The following IARS2 variants were observed in gnomAD, a reference collection of about 807,000 sequenced individuals.
The protein encoded by IARS2 is isoleucine--tRNA ligase, mitochondrial.
Under a neutral mutation model 126.3 loss-of-function variants are expected in IARS2, and 56 were observed. The observed-to-expected ratio is 0.44, with a 90% CI of 0.36 to 0.55. The LOEUF is 0.55. IARS2 is among the 20% of genes least tolerant of loss of function. IARS2 has a pLI of 0.00. For synonymous variants in IARS2, 407 were observed against 441.1 expected, an observed-to-expected ratio of 0.92 and a Z score of 0.97; for missense variants, 1,127 against 1,245.9, an observed-to-expected ratio of 0.90 and a Z score of 1.44.
chr1:220,145,057 T>C (rs2102843542), intron 21 of IARS2, among the ~76,000 whole-genome samples: 1 of 151,970 alleles, frequency 6.6e-6, no homozygotes, highest in South Asian at 2.1e-4. Context: ...TGAGATAGTA[T>C]TTTAGCCCCT....
At chr1:220,100,206 C>T (rs1280094278) in intron 2 of IARS2, among the ~76,000 whole-genome samples, 2 of 152,106 alleles carry the variant, frequency 1.3e-5, no homozygotes, top group Non-Finnish European at 2.9e-5. Flanking sequence ...CACAATATTC[C>T]ATTCTCTGAG....
intron 1 of IARS2, 27 bp downstream of exon 1, chr1:220,094,510 C>A: frequency 6.4e-7 from 1 of 1,550,810 alleles, no homozygotes; most frequent in Non-Finnish European, 8.7e-7. Context: ...GGCGCGGGGC[C>A]TCCAGAGAGG....
intron 12 of IARS2, among the ~76,000 whole-genome samples, chr1:220,124,013 A>G (rs1657104027): frequency 2.0e-5 from 3 of 152,200 alleles, no homozygotes. Context: ...TTTGTGTTTT[A>G]CAAATGAGGA....
Position 220,103,697 on chromosome 1 carries a change from T to C in IARS2, c.1066+135T>C, listed in dbSNP as rs1656627328. On this transcript the variant is annotated intron_variant, in intron 8 of 22. Transcript: ENST00000366922. ...CTTTCTAGAATACATTTTACATTGA[T>C]TACACTAAAGGAGAATATACATTAA... The C allele has an allele frequency of 1.2e-5, 7 of 574,598 alleles. No homozygotes were observed. In the Admixed American group the frequency reaches 1.9e-4, roughly 16 times the overall value. The allele number at this position is 574,598 out of a possible 1,614,324, so 35.6% of individuals were successfully genotyped here. A position where few individuals can be genotyped will look rare whatever the true frequency, so the allele number is the denominator to read the frequency against.
chr1:220,141,746 T>A lies in IARS2; in HGVS notation c.2415-57T>A, dbSNP rs1657496065. 1.4e-5 allele frequency: 22 copies of A among 1,560,852 alleles called. No homozygotes were observed. The Admixed American group carries it at 3.4e-4, about 24-fold the overall frequency. ...AACTCAACCTGAGGCAGGTCCCATC[T>A]AGGTGACCATAATGTATAAAGTATT... On this transcript the variant is annotated intron_variant, in intron 19 of 22. Coordinates refer to ENST00000366922, the MANE Select transcript of IARS2 (RefSeq NM_018060.4).
At chr1:220,105,818 C>A in intron 8 of IARS2, 73 bp from the exon 9 acceptor site, 2 of 1,275,090 alleles carry the variant, frequency 1.6e-6, no homozygotes, top group Non-Finnish European at 2.3e-6. Context: ...TAACCTGATA[C>A]TCTATTGCTA....
At position 220,114,412 on chromosome 1, in the gene IARS2, A is replaced by G. The variant is rs1178360651; in HGVS notation, c.1578A>G (p.Arg526=). The change falls in exon 12 of 23, where the codon AGA becomes AGG. Residue 526 remains arginine (R), a synonymous_variant. Coordinates refer to ENST00000366922, the MANE Select transcript of IARS2 (RefSeq NM_018060.4). ...RRPYWCISRQ[R]VWGVPIPVFH... ...CATATTGGTGTATATCAAGGCAAAGAGTTTGGGGTGTTCCAATTCCTGTGT... is the reference window on the plus strand; with the variant it reads ...CATATTGGTGTATATCAAGGCAAAGGGTTTGGGGTGTTCCAATTCCTGTGT... 1.2e-6 allele frequency: 2 copies of G among 1,613,952 alleles called. No homozygotes were observed. Among genetic ancestry groups the G allele is most frequent in the African/African-American group, 1.3e-5 (1 of 75,042 alleles).
intron 20 of IARS2, 61 bp from the exon 21 acceptor site, chr1:220,142,883 A>C: frequency 1.7e-6 from 2 of 1,169,968 alleles, no homozygotes; most frequent in Non-Finnish European, 1.2e-6. Context: ...TTTAATGGTT[A>C]GAGCTTCATA....
At chr1:220,138,546 T>C (rs1381084683) in intron 17 of IARS2, among the ~76,000 whole-genome samples, 1 of 151,656 alleles carries the variant, frequency 6.6e-6, no homozygotes, top group Non-Finnish European at 1.5e-5. Flanking sequence ...TTATATAATT[T>C]GTATATAATA....
intron 11 of IARS2, among the ~76,000 whole-genome samples, chr1:220,112,443 A>G (rs1656826052): frequency 6.6e-6 from 1 of 151,200 alleles, no homozygotes; most frequent in South Asian, 2.1e-4. Context: ...CCGACCACCT[A>G]CTTTTTACCC....
chr1:220,134,545 C>T, intron 15 of IARS2, 35 bp downstream of exon 15: 1 of 1,351,140 alleles, frequency 7.4e-7, no homozygotes, highest in Non-Finnish European at 1.1e-6. Context: ...CTGCTGAGTA[C>T]CTGCCAGTGT....
At chr1:220,104,323 A>C (rs1186981792) in intron 8 of IARS2, among the ~76,000 whole-genome samples, 2 of 152,066 alleles carry the variant, frequency 1.3e-5, no homozygotes, top group Non-Finnish European at 2.9e-5. Flanking sequence ...TGAGGTAGTG[A>C]CTGCTTTGAA....
intron 2 of IARS2, 126 bp downstream of exon 2, chr1:220,096,352 A>ATTT (rs1346128624): frequency 4.4e-6 from 3 of 677,116 alleles, no homozygotes; most frequent in Admixed American, 3.5e-5. Context: ...AAACATTTTC[A>ATTT]TAGAAAGCAA....
At chr1:220,147,289 C>CTAA (rs1657620452) in intron 22 of IARS2, among the ~76,000 whole-genome samples, 2 of 152,230 alleles carry the variant, frequency 1.3e-5, no homozygotes, top group South Asian at 4.1e-4. Context: ...CACGGGGTCT[C>CTAA]TAATTCCTCA....
intron 16 of IARS2, 107 bp downstream of exon 16, chr1:220,137,018 A>C (rs1158538030): frequency 2.6e-5 from 16 of 616,252 alleles, no homozygotes; most frequent in Non-Finnish European, 1.4e-5. Context: ...ACTATCTTTT[A>C]TACTCTCAAA....
intron 21 of IARS2, 41 bp downstream of exon 21, chr1:220,143,175 A>C (rs549813715): frequency 1.2e-5 from 18 of 1,462,206 alleles, no homozygotes; most frequent in Non-Finnish European, 1.7e-5. Flanking sequence ...TGTTAGTATC[A>C]TAGAGCTTTG....
chr1:220,121,736 T>C (rs1204619489), intron 12 of IARS2, among the ~76,000 whole-genome samples: 1 of 152,190 alleles, frequency 6.6e-6, no homozygotes, highest in Non-Finnish European at 1.5e-5. Flanking sequence ...TGAGCCACCG[T>C]GCCAGGCCAA....
At chr1:220,146,517 CA>C (rs1186000971) in intron 22 of IARS2, among the ~76,000 whole-genome samples, 874 of 61,974 alleles carry the variant, frequency 0.014, 3 homozygotes, top group African/African-American at 0.031. Flanking sequence ...GACTCCGTCT[CA>C]AAAAAAAAAA....
At chr1:220,125,468 C>A in intron 13 of IARS2, 129 bp downstream of exon 13, 1 of 615,852 alleles carries the variant, frequency 1.6e-6, no homozygotes, top group Non-Finnish European at 2.9e-6. Flanking sequence ...AAATTAGAAG[C>A]TAATGCAGTG....
Sources: gnomAD v4.1 joint callset for allele counts (sites outside exome capture counted in the v4.1 genomes callset) on GRCh38, gnomAD v4.1.1 for gene constraint, MANE v1.5 for transcripts, NCBI Gene and HGNC (gene_info 2026-07-23, HGNC 2026-07-21) for gene names.